Variants in RCBTB2 observed in about 807,000 individuals in gnomAD.
RCBTB2 encodes RCC1 and BTB domain containing protein 2, also known as RCC1 and BTB domain-containing protein 2.
Under a neutral mutation model 65.4 loss-of-function variants are expected in RCBTB2, and 55 were observed. That is an observed-to-expected ratio of 0.84 (90% confidence interval 0.68 to 1.05). The LOEUF is 1.05. Among genes scored for constraint, RCBTB2 ranks in the 50% least tolerant of loss-of-function variants. The pLI is 0.00. For synonymous variants in RCBTB2, 220 were observed against 255.2 expected (o/e 0.86, Z 1.31); for missense variants, 599 against 680.1 (o/e 0.88, Z 1.33).
At chr13:48,518,171 T>A (rs924647364) in intron 4 of RCBTB2, among the ~76,000 whole-genome samples, 30 of 152,162 alleles carry the variant, frequency 2.0e-4, no homozygotes, top group Non-Finnish European at 3.8e-4. Flanking sequence ...GTTGTTTGAA[T>A]TGTAGTCATT....
chr13:48,502,406 T>A (rs1481086624), intron 11 of RCBTB2, among the ~76,000 whole-genome samples: 1 of 151,578 alleles, frequency 6.6e-6, no homozygotes, highest in African/African-American at 2.4e-5. Flanking sequence ...GGCAAAAGGA[T>A]CGCTTGAACC....
intron 4 of RCBTB2, among the ~76,000 whole-genome samples, chr13:48,518,207 C>CA (rs1383064324): frequency 6.6e-6 from 1 of 152,066 alleles, no homozygotes; most frequent in East Asian, 1.9e-4. Context: ...AAGAAACTAA[C>CA]AGAGAAGACA....
chr13:48,524,766 A>G lies in RCBTB2; in HGVS notation c.-218-9T>C, dbSNP rs1173460623. On this transcript the variant is annotated splice_polypyrimidine_tract_variant and intron_variant, in intron 1 of 14. Coordinates refer to ENST00000344532, the MANE Select transcript of RCBTB2 (RefSeq NM_001268.4). Reference sequence around the variant, plus strand: ...GAGCAAAGTTAATGTGACTGGAAATATAAATACACAAATAAATTCTATTAG... The same window carrying G: ...GAGCAAAGTTAATGTGACTGGAAATGTAAATACACAAATAAATTCTATTAG... 3 of 152,228 alleles carry G rather than the reference A, an allele frequency of 2.0e-5. No homozygotes were observed. The highest frequency in any genetic ancestry group is 4.8e-5 in the African/African-American group (2 of 41,468). 9.4% of individuals were successfully genotyped at this position (152,228 alleles called of 1,614,324 possible).
intron 1 of RCBTB2, among the ~76,000 whole-genome samples, chr13:48,527,255 T>G (rs1363311351): frequency 1.4e-5 from 2 of 147,406 alleles, no homozygotes; most frequent in Non-Finnish European, 3.0e-5. Flanking sequence ...TATCTTACTA[T>G]CTTACTATGT....
At chr13:48,513,378 TAAGTC>T (rs1950912685) in intron 6 of RCBTB2, among the ~76,000 whole-genome samples, 2 of 152,324 alleles carry the variant, frequency 1.3e-5, no homozygotes, top group African/African-American at 2.4e-5. Context: ...TACTACTACT[TAAGTC>T]AAGAAATATA....
chr13:48,493,315 A>ACTCTCTCTCTCT (rs3085593), intron 14 of RCBTB2, among the ~76,000 whole-genome samples: 2,312 of 74,966 alleles, frequency 0.031, 65 homozygotes, highest in Middle Eastern at 0.076. Flanking sequence ...ACACACACAC[A>ACTCTCTCTCTCT]CTCTCTCTCT....
rs890676787 is a variant in RCBTB2 at position 48,489,144 on chromosome 13, G to T, written c.*967C>A. On this transcript the variant is annotated 3_prime_UTR_variant, in exon 15 of 15. Transcript: ENST00000344532. ...TAGGTAATTTGTTTTGATCTAAAAA[G>T]TACAAATTTATCTCATTCTTGTTAA... The T allele has an allele frequency of 6.6e-6, 1 of 152,142 alleles. No individual in the cohort carries two copies. Among genetic ancestry groups the T allele is most frequent in the African/African-American group, 2.4e-5 (1 of 41,424 alleles). The allele number at this position is 152,142 out of a possible 1,614,324, so 9.4% of individuals were successfully genotyped here.
intron 9 of RCBTB2, among the ~76,000 whole-genome samples, chr13:48,510,994 A>C (rs1950761284): frequency 6.6e-6 from 1 of 152,204 alleles, no homozygotes; most frequent in African/African-American, 2.4e-5. Flanking sequence ...AGTTCACTAG[A>C]GCTTTAATAC....
intron 13 of RCBTB2, among the ~76,000 whole-genome samples, chr13:48,499,168 T>A (rs138947822): frequency 0.045 from 6,214 of 137,526 alleles, 430 homozygotes; most frequent in African/African-American, 0.14. Context: ...TCTCTCTCTC[T>A]CACACACACA....
intron 2 of RCBTB2, 84 bp downstream of exon 2, chr13:48,524,575 A>G (rs2138625481): frequency 6.6e-6 from 1 of 152,314 alleles, no homozygotes; most frequent in Middle Eastern, 3.4e-3. Context: ...AGGGCTAGAT[A>G]CTTTAAGTTT....
At chr13:48,504,353 T>C (rs1412206924) in intron 10 of RCBTB2, 16 of 985,230 alleles carry the variant, frequency 1.6e-5, no homozygotes, top group Non-Finnish European at 1.9e-5. Context: ...GCGTCACCTC[T>C]GTACAGACAT....
chr13:48,508,023 T>C (rs778832377), intron 10 of RCBTB2, among the ~76,000 whole-genome samples: 8 of 152,246 alleles, frequency 5.3e-5, no homozygotes, highest in African/African-American at 9.6e-5. Context: ...AAGGTTTCCC[T>C]TGGATGGTTG....
chr13:48,507,647 GAGA>G (rs1950572575), intron 10 of RCBTB2, among the ~76,000 whole-genome samples: 1 of 152,208 alleles, frequency 6.6e-6, no homozygotes. Context: ...ATCTGTGAGG[GAGA>G]AGAATATTGG....
chr13:48,494,748 A>C (rs1230911559), intron 14 of RCBTB2, among the ~76,000 whole-genome samples: 2 of 152,206 alleles, frequency 1.3e-5, no homozygotes, highest in African/African-American at 4.8e-5. Flanking sequence ...TGGACTAGGA[A>C]AAGTGCATGG....
At chr13:48,525,403 TATATATA>T (rs1951664737) in intron 1 of RCBTB2, among the ~76,000 whole-genome samples, 1 of 140,040 alleles carries the variant, frequency 7.1e-6, no homozygotes, top group Non-Finnish European at 1.5e-5. Flanking sequence ...TATATATATA[TATATATA>T]TATATATATT....
At chr13:48,515,449 C>T (rs1951031459) in intron 5 of RCBTB2, 94 bp from the exon 6 acceptor site, 3 of 1,398,606 alleles carry the variant, frequency 2.1e-6, no homozygotes, top group African/African-American at 1.4e-5. Context: ...AAGCAAACTG[C>T]TTCTTTATAT....
At chr13:48,506,498 G>C (rs1486515887) in intron 10 of RCBTB2, among the ~76,000 whole-genome samples, 27 of 152,218 alleles carry the variant, frequency 1.8e-4, no homozygotes, top group Admixed American at 1.5e-3. Context: ...GGAGTAATGA[G>C]GGTGGCCTGG....
At chr13:48,524,008 A>G (rs1465869151) in intron 2 of RCBTB2, among the ~76,000 whole-genome samples, 2 of 152,208 alleles carry the variant, frequency 1.3e-5, no homozygotes, top group Admixed American at 6.5e-5. Context: ...ATATTTGTCA[A>G]TCAGAAAGTC....
At chr13:48,512,197 A>G (rs755889413) in intron 7 of RCBTB2, 23 bp from the exon 8 acceptor site, 28 of 1,597,726 alleles carry the variant, frequency 1.8e-5, no homozygotes, top group African/African-American at 6.7e-5. Context: ...AAGATCAGTA[A>G]ATGAAACAGA....
Sources: gnomAD v4.1 joint callset for allele counts (sites outside exome capture counted in the v4.1 genomes callset) on GRCh38, gnomAD v4.1.1 for gene constraint, MANE v1.5 for transcripts, NCBI Gene and HGNC (gene_info 2026-07-23, HGNC 2026-07-21) for gene names.